FER: variants seen among roughly 807,000 people sequenced by gnomAD.
FER encodes the protein FER tyrosine kinase.
FER carries 63 observed loss-of-function variants against 111.0 expected under a neutral mutation model. The ratio of observed to expected loss-of-function variants is 0.57; its 90% CI spans 0.46 to 0.70. The LOEUF (loss-of-function observed/expected upper bound fraction) is 0.70, where lower values mean the gene tolerates loss of function less well. Ranked by LOEUF, FER falls within the 30% of genes least tolerant of loss-of-function variation. The pLI is 0.00. For synonymous variants in FER, 327 were observed against 313.9 expected (o/e 1.04, Z -0.44); for missense variants, 914 against 954.0 (o/e 0.96, Z 0.55).
At chr5:109,051,500 C>G in intron 16 of FER, 1 of 1,609,962 alleles carries the variant, frequency 6.2e-7, no homozygotes, top group Non-Finnish European at 8.5e-7. Context: ...CCCGCCTGCC[C>G]CATTCGATTT....
At chr5:108,953,243 G>A (rs1048281541) in intron 11 of FER, among the ~76,000 whole-genome samples, 3 of 151,686 alleles carry the variant, frequency 2.0e-5, no homozygotes, top group South Asian at 2.1e-4. Context: ...CCTCATAGTC[G>A]TGGGTGGGTC....
At chr5:109,103,019 A>G (rs754054191) in intron 17 of FER, among the ~76,000 whole-genome samples, 63 of 152,086 alleles carry the variant, frequency 4.1e-4, no homozygotes, top group Non-Finnish European at 8.7e-4. Flanking sequence ...AAGAAAAAAA[A>G]TATAGGATTT....
chr5:108,833,130 T>C (rs1210642827), intron 4 of FER, among the ~76,000 whole-genome samples, 187 bp downstream of exon 4: 2 of 152,206 alleles, frequency 1.3e-5, no homozygotes, highest in African/African-American at 4.8e-5. Context: ...TGACTGTATA[T>C]ACTCCTATGA....
In FER at chr5:109,047,098, A is replaced by G. The variant is rs1772098723; in HGVS notation, c.1830-6A>G. ...ATAACTATTCGTATATTTTCATCTC[A>G]TCTAGAATTCTCAAGCAATATGATC... On this transcript the variant is annotated splice_region_variant and splice_polypyrimidine_tract_variant and intron_variant, in intron 15 of 19. Transcript: ENST00000281092. The G allele has an allele frequency of 4.0e-6, 6 of 1,483,032 alleles. No individual in the cohort carries two copies. The South Asian group carries it at 7.2e-5, about 18-fold the overall frequency. The allele number at this position is 1,483,032 out of a possible 1,614,324, so 91.9% of individuals were successfully genotyped here.
intron 13 of FER, among the ~76,000 whole-genome samples, chr5:108,989,455 CA>C (rs1762924308): frequency 6.6e-6 from 1 of 151,714 alleles, no homozygotes; most frequent in South Asian, 2.1e-4. Context: ...TACTAAGTTC[CA>C]AAAAATATTT....
chr5:109,044,146 T>C lies in FER; in HGVS notation c.1714-534T>C, dbSNP rs77989329. Among the ~76,000 whole-genome samples, 1,508 of 151,988 alleles carry C rather than the reference T, an allele frequency of 9.9e-3. 23 individuals carry two copies. Among genetic ancestry groups the C allele is most frequent in the African/African-American group, 0.035 (1,440 of 41,452 alleles). On this transcript the variant is annotated intron_variant, in intron 14 of 19. Transcript: ENST00000281092. ...ATTTTAAAAAATAGATTTCAAAATG[T>C]CATCTCTTCTAAAATAAATACACTA...
intron 17 of FER, among the ~76,000 whole-genome samples, chr5:109,136,559 A>AT (rs1156594258): frequency 6.6e-6 from 1 of 152,122 alleles, no homozygotes; most frequent in Non-Finnish European, 1.5e-5. Context: ...TAGGAACTAC[A>AT]TTTTTTTAGC....
At chr5:108,997,241 TAA>T (rs777216661) in intron 13 of FER, among the ~76,000 whole-genome samples, 9 of 133,238 alleles carry the variant, frequency 6.8e-5, no homozygotes, top group Admixed American at 2.3e-4. Flanking sequence ...CCGTCTCTAC[TAA>T]AAAAAAAAAA....
At chr5:108,764,041 G>A (rs1390055393) in intron 1 of FER, among the ~76,000 whole-genome samples, 3 of 152,100 alleles carry the variant, frequency 2.0e-5, no homozygotes, top group Admixed American at 2.0e-4. Flanking sequence ...CTAAACTACT[G>A]CTTGCGAGAA....
At chr5:109,102,261 C>G (rs1748322116) in intron 17 of FER, among the ~76,000 whole-genome samples, 1 of 151,978 alleles carries the variant, frequency 6.6e-6, no homozygotes, top group African/African-American at 2.4e-5. Flanking sequence ...TGAAAGTTAA[C>G]CCTTTCTTGA....
At chr5:108,975,792 T>A (rs1435617262) in intron 13 of FER, among the ~76,000 whole-genome samples, 1 of 152,180 alleles carries the variant, frequency 6.6e-6, no homozygotes, top group African/African-American at 2.4e-5. Flanking sequence ...CTTAGTTATC[T>A]GTCAGAATCA....
intron 1 of FER, among the ~76,000 whole-genome samples, chr5:108,757,002 A>C (rs533027019): frequency 6.6e-6 from 1 of 152,156 alleles, no homozygotes; most frequent in Non-Finnish European, 1.5e-5. Context: ...GATGGCTTGC[A>C]TGTTCTTTTT....
intron 17 of FER, among the ~76,000 whole-genome samples, chr5:109,103,030 A>T (rs796977223): frequency 2.6e-4 from 39 of 152,278 alleles, no homozygotes; most frequent in African/African-American, 8.7e-4. Context: ...TATAGGATTT[A>T]CTACAGTGAA....
intron 16 of FER, among the ~76,000 whole-genome samples, chr5:109,067,787 A>T (rs1041467167): frequency 4.6e-5 from 7 of 152,170 alleles, no homozygotes; most frequent in African/African-American, 9.6e-5. Flanking sequence ...ATTCATGAAC[A>T]TTCCCAAAAA....
intron 15 of FER, among the ~76,000 whole-genome samples, chr5:109,046,299 A>G (rs1048332101): frequency 6.6e-6 from 1 of 152,122 alleles, no homozygotes; most frequent in African/African-American, 2.4e-5. Flanking sequence ...CCAGTATAAA[A>G]TGATTTCCTA....
chr5:108,935,568 C>T (rs1755347726), intron 10 of FER, among the ~76,000 whole-genome samples: 1 of 151,994 alleles, frequency 6.6e-6, no homozygotes, highest in Non-Finnish European at 1.5e-5. Flanking sequence ...AGTCACCATC[C>T]AACCCACCTA....
rs1424350388 is a variant in FER at position 109,189,426 on chromosome 5, A to G, written c.*1851A>G. ...TGTACCATCGCACAGAACTCACACC[A>G]GTACTTTAGAGTATGAAAGATAATA... On this transcript the variant is annotated 3_prime_UTR_variant, in exon 20 of 20. Coordinates refer to ENST00000281092, the MANE Select transcript of FER (RefSeq NM_005246.4). 3 of 152,196 alleles carry G rather than the reference A, an allele frequency of 2.0e-5. No homozygotes were observed. Among genetic ancestry groups the G allele is most frequent in the Non-Finnish European group, 4.4e-5 (3 of 68,030 alleles). The allele number at this position is 152,196 out of a possible 1,614,324, so 9.4% of individuals were successfully genotyped here. A position where few individuals can be genotyped will look rare whatever the true frequency, so the allele number is the denominator to read the frequency against.
chr5:108,866,576 A>C (rs948110693), intron 5 of FER, among the ~76,000 whole-genome samples: 3 of 152,166 alleles, frequency 2.0e-5, no homozygotes, highest in Admixed American at 2.0e-4. Flanking sequence ...CCTAAAACTT[A>C]AAGTATTAAA....
intron 11 of FER, among the ~76,000 whole-genome samples, 163 bp downstream of exon 11, chr5:108,946,385 T>G (rs1297904349): frequency 2.6e-5 from 4 of 151,894 alleles, no homozygotes; most frequent in Admixed American, 2.0e-4. Context: ...ATTTAACTTT[T>G]TGTGTGCATA....
Sources: allele counts gnomAD v4.1 joint callset (sites outside exome capture counted in the v4.1 genomes callset), GRCh38; gene constraint gnomAD v4.1.1; transcripts MANE v1.5; gene names NCBI Gene and HGNC (gene_info 2026-07-23, HGNC 2026-07-21).